The following LRBA variants were observed in gnomAD, a reference collection of about 807,000 sequenced individuals.
LRBA encodes the protein LPS responsive beige-like anchor protein, also known as lipopolysaccharide-responsive and beige-like anchor protein.
LRBA carries 176 observed loss-of-function variants against 330.0 expected under a neutral mutation model. The ratio of observed to expected loss-of-function variants is 0.53; its 90% CI spans 0.47 to 0.60. The LOEUF is 0.60. Ranked by LOEUF, LRBA falls within the 20% of genes least tolerant of loss-of-function variation. The pLI is 0.00. For missense variants in LRBA, 3,259 were observed against 3,444.8 expected (o/e 0.95, Z 1.35); for synonymous variants, 1,230 against 1,193.0 (o/e 1.03, Z -0.64).
intron 56 of LRBA, among the ~76,000 whole-genome samples, chr4:150,269,076 T>C (rs1745733588): frequency 6.6e-6 from 1 of 152,150 alleles, no homozygotes; most frequent in Non-Finnish European, 1.5e-5. Context: ...TGCATTTTTA[T>C]ACACTAACAA....
intron 17 of LRBA, among the ~76,000 whole-genome samples, chr4:150,891,649 T>G (rs1729480737): frequency 6.6e-6 from 1 of 152,172 alleles, no homozygotes; most frequent in African/African-American, 2.4e-5. Context: ...CCTATGGATT[T>G]TGGATTTGCC....
chr4:150,345,814 C>CT (rs199577173), intron 48 of LRBA, among the ~76,000 whole-genome samples: 175 of 151,002 alleles, frequency 1.2e-3, no homozygotes, highest in East Asian at 6.0e-3. Flanking sequence ...TCCCCTCAAC[C>CT]TTTTTTTTTG....
At chr4:150,542,643 C>T (rs1417844331) in intron 40 of LRBA, among the ~76,000 whole-genome samples, 1 of 151,920 alleles carries the variant, frequency 6.6e-6, no homozygotes, top group African/African-American at 2.4e-5. Context: ...GAGAAGAAAT[C>T]AATAAAGGAA....
At chr4:150,871,237 T>A in intron 19 of LRBA, 108 bp downstream of exon 19, 1 of 614,520 alleles carries the variant, frequency 1.6e-6, no homozygotes, top group South Asian at 2.2e-5. Flanking sequence ...AGTGAGACTC[T>A]GTCTCAAAAA....
chr4:150,487,916 T>A, intron 41 of LRBA, 82 bp from the exon 42 acceptor site: 1 of 628,654 alleles, frequency 1.6e-6, no homozygotes, highest in East Asian at 2.8e-5. Flanking sequence ...ATAAAATATT[T>A]ACTTTTAATT....
rs1348749467 is a variant in LRBA at position 150,850,738 on chromosome 4, T to C, written c.3990A>G (p.Ile1330Met). Residue 1330 changes from isoleucine to methionine, a missense_variant, in exon 24 of 57, where the codon ATA (isoleucine) becomes ATG (methionine). Physicochemically the swap from Ile to Met is conservative, Grantham distance 10. Transcript: ENST00000651943. ...TATAGACAAACCTTCTCCACATCTG[T>C]ATATCTGTTTCTATTGAAAATAATA... ...TDLLFSIETD[I>M]QMWRSHSTKT... 1.9e-6 allele frequency: 3 copies of C among 1,610,830 alleles called. No individual in the cohort carries two copies. Among genetic ancestry groups the C allele is most frequent in the Admixed American group, 3.3e-5 (2 of 59,878 alleles).
At chr4:150,532,562 A>G (rs1328092377) in intron 40 of LRBA, among the ~76,000 whole-genome samples, 1 of 152,076 alleles carries the variant, frequency 6.6e-6, no homozygotes, top group Non-Finnish European at 1.5e-5. Flanking sequence ...AAAAAAAAAT[A>G]CCAGTGATAA....
chr4:150,636,796 C>A (rs1777965358), intron 37 of LRBA, among the ~76,000 whole-genome samples: 1 of 152,062 alleles, frequency 6.6e-6, no homozygotes, highest in African/African-American at 2.4e-5. Flanking sequence ...CACAGACATG[C>A]ACTACTACAC....
intron 48 of LRBA, among the ~76,000 whole-genome samples, chr4:150,339,207 GATTA>G (rs1390479803): frequency 1.3e-5 from 2 of 152,076 alleles, no homozygotes; most frequent in Non-Finnish European, 2.9e-5. Context: ...TAGCTCAGTG[GATTA>G]AATAACATAT....
intron 34 of LRBA, among the ~76,000 whole-genome samples, chr4:150,775,567 A>G (rs945858756): frequency 1.3e-5 from 2 of 151,894 alleles, no homozygotes; most frequent in Non-Finnish European, 2.9e-5. Flanking sequence ...AGCGTCTAAC[A>G]TAAAAGCTTC....
intron 24 of LRBA, 109 bp from the exon 25 acceptor site, chr4:150,849,684 C>T (rs1750367210): frequency 2.0e-5 from 16 of 819,814 alleles, no homozygotes; most frequent in Non-Finnish European, 2.8e-5. Flanking sequence ...ATCTTGAAAA[C>T]TGAAGGAAGA....
rs778748212 is a variant in LRBA, at chr4:150,735,388, A to C, written c.5646-22T>G. 3 of 1,415,590 alleles carry C rather than the reference A, an allele frequency of 2.1e-6. No homozygotes were observed. The African/African-American group carries it at 4.2e-5, about 20-fold the overall frequency. The allele number at this position is 1,415,590 out of a possible 1,614,324, so 87.7% of individuals were successfully genotyped here. ...CAACCTGTAAGAAATGAATGTTATCAAATAAATATATGTATACACACACAA... is the reference window on the plus strand; with the variant it reads ...CAACCTGTAAGAAATGAATGTTATCCAATAAATATATGTATACACACACAA... On this transcript the variant is annotated intron_variant, in intron 35 of 56. Coordinates refer to ENST00000651943, the MANE Select transcript of LRBA (RefSeq NM_001364905.1).
chr4:150,938,076 T>TA lies in LRBA; in HGVS notation c.217-9012dup, dbSNP rs58730047. On this transcript the variant is annotated intron_variant, in intron 2 of 56. Transcript: ENST00000651943. Reference sequence around the variant, plus strand: ...GGTGGGGCAGGAGTATGGTATAGTTTAAAAAAAAAAAAAAAAAGGACAGGG... The same window carrying TA: ...GGTGGGGCAGGAGTATGGTATAGTTTAAAAAAAAAAAAAAAAAAGGACAGGG... 2.9e-3 allele frequency among the ~76,000 whole-genome samples: 377 copies of TA among 132,248 alleles called. 1 individual carries two copies. The highest frequency in any genetic ancestry group is 8.1e-3 in the Middle Eastern group (2 of 246). 86.8% of individuals were successfully genotyped at this position (132,248 alleles called of 152,430 possible).
At chr4:150,487,264 T>A (rs954109735) in intron 42 of LRBA, among the ~76,000 whole-genome samples, 12 of 150,772 alleles carry the variant, frequency 8.0e-5, no homozygotes, top group Middle Eastern at 3.5e-3. Context: ...ATGATATATA[T>A]TATATATATA....
intron 14 of LRBA, 78 bp downstream of exon 14, chr4:150,899,971 G>C: frequency 2.7e-6 from 3 of 1,091,406 alleles, no homozygotes; most frequent in South Asian, 1.9e-5. Context: ...ATATATGATA[G>C]TACTGGTTAA....
At chr4:150,654,867 A>G (rs1395513609) in intron 37 of LRBA, among the ~76,000 whole-genome samples, 1 of 152,228 alleles carries the variant, frequency 6.6e-6, no homozygotes, top group East Asian at 1.9e-4. Flanking sequence ...TACAAAGGAC[A>G]TTAACTCATC....
chr4:151,014,920 G>C, intron 1 of LRBA, 59 bp from the exon 2 acceptor site: 1 of 359,846 alleles, frequency 2.8e-6, no homozygotes, highest in Non-Finnish European at 5.1e-6. Context: ...GTTTTGAGGG[G>C]ACAAGAGGGA....
At chr4:150,498,747 G>A (rs1261806222) in intron 40 of LRBA, among the ~76,000 whole-genome samples, 4 of 152,058 alleles carry the variant, frequency 2.6e-5, no homozygotes, top group Non-Finnish European at 4.4e-5. Context: ...CATTGTGAAC[G>A]AGGCATAAAA....
chr4:150,392,027 C>T (rs1744044379), intron 47 of LRBA, among the ~76,000 whole-genome samples: 1 of 148,462 alleles, frequency 6.7e-6, no homozygotes, highest in Non-Finnish European at 1.5e-5. Context: ...ACTGAAACAT[C>T]TGCCTTTCTA....
Sources: allele counts gnomAD v4.1 joint callset (sites outside exome capture counted in the v4.1 genomes callset), GRCh38; gene constraint gnomAD v4.1.1; transcripts MANE v1.5; gene names NCBI Gene and HGNC (gene_info 2026-07-23, HGNC 2026-07-21).